Variants in SNED1 observed in about 807,000 individuals in gnomAD.
The protein encoded by SNED1 is sushi, nidogen and EGF-like domain-containing protein 1.
A neutral mutation model predicts 166.7 loss-of-function variants in SNED1; 81 were observed. The observed-to-expected ratio is 0.49, with a 90% CI of 0.41 to 0.58. SNED1 has a LOEUF of 0.58. Ranked by LOEUF, SNED1 falls within the 20% of genes least tolerant of loss-of-function variation. SNED1 has a pLI of 0.00. For missense variants in SNED1, 1,604 were observed against 2,000.2 expected, an observed-to-expected ratio of 0.80 and a Z score of 3.78; for synonymous variants, 762 against 822.0, an observed-to-expected ratio of 0.93 and a Z score of 1.25.
chr2:240,998,177 G>A (rs1392268638), upstream of SNED1, among the ~76,000 whole-genome samples: 2 of 152,272 alleles, frequency 1.3e-5, no homozygotes, highest in African/African-American at 4.8e-5. Context: ...GACCCAGGCA[G>A]GGAGTGGGCT....
At position 241,064,137 on chromosome 2, in the gene SNED1, G is replaced by GGCCC. The variant is rs1559284518; in HGVS notation, c.2599+15_2599+16insCGCC. 8.5e-5 allele frequency: 130 copies of GGCCC among 1,525,948 alleles called. 8 individuals carry two copies. The highest frequency in any genetic ancestry group is 5.9e-4 in the African/African-American group (42 of 71,500). 94.5% of individuals were successfully genotyped at this position (1,525,948 alleles called of 1,614,324 possible). On this transcript the variant is annotated intron_variant, in intron 19 of 31. Coordinates refer to ENST00000310397, the MANE Select transcript of SNED1 (RefSeq NM_001080437.3). The surrounding 1 kb of genome is among the most constrained non-coding windows in gnomAD (Gnocchi z 7.0). ...CCACTGCGAGACAGGTAGGGCGGCA[G>GGCCC]GCCTGCCTGCTCCCCGCCCTCTGCC... is the stretch of plus-strand genomic sequence containing the variant.
At chr2:241,027,249 G>A (rs1457848019) in intron 1 of SNED1, among the ~76,000 whole-genome samples, 2 of 152,006 alleles carry the variant, frequency 1.3e-5, no homozygotes, top group Non-Finnish European at 2.9e-5. Context: ...CCCAGCTAAT[G>A]TTTGTATTTT....
rs760332171 is a variant in SNED1 at position 241,048,425 on chromosome 2, C to T, written c.1384C>T (p.Leu462=). The part of the protein sequence containing the change: ...VCECPEGFMG[L]DCRERVPDDC... ...CGAGTGCCCCGAAGGCTTCATGGGCCTGGACTGCAGGGAGAGTGCGTCTGG... is the reference window on the plus strand; with the variant it reads ...CGAGTGCCCCGAAGGCTTCATGGGCTTGGACTGCAGGGAGAGTGCGTCTGG... The change falls in exon 9 of 32, where the codon CTG becomes TTG. Residue 462 remains leucine, a synonymous_variant. Coordinates refer to ENST00000310397, the MANE Select transcript of SNED1 (RefSeq NM_001080437.3). 1.1e-5 allele frequency: 17 copies of T among 1,607,824 alleles called. No individual in the cohort carries two copies. The Admixed American group carries it at 1.2e-4, about 11-fold the overall frequency.
chr2:241,041,952 CAACA>C (rs1367088786), intron 8 of SNED1, among the ~76,000 whole-genome samples: 1 of 152,140 alleles, frequency 6.6e-6, no homozygotes, highest in Admixed American at 6.5e-5. Context: ...AGCCATTAGA[CAACA>C]GACAGCACAA....
chr2:241,039,951 T>G, intron 6 of SNED1, 124 bp from the exon 7 acceptor site: 1 of 765,536 alleles, frequency 1.3e-6, no homozygotes, highest in East Asian at 2.7e-5. Context: ...GAAACCTGCC[T>G]GCCAGGCCCC....
chr2:241,039,956 G>A, intron 6 of SNED1, 119 bp from the exon 7 acceptor site: 2 of 792,074 alleles, frequency 2.5e-6, no homozygotes, highest in Non-Finnish European at 2.0e-6. Flanking sequence ...CTGCCTGCCA[G>A]GCCCCCCTGC....
intron 27 of SNED1, among the ~76,000 whole-genome samples, chr2:241,078,313 G>A (rs2063140083): frequency 6.6e-6 from 1 of 151,152 alleles, no homozygotes; most frequent in African/African-American, 2.5e-5. Flanking sequence ...AACCCGGGAG[G>A]TGGAGTTTGC....
intron 1 of SNED1, among the ~76,000 whole-genome samples, chr2:241,002,519 G>A (rs536052384): frequency 1.3e-5 from 2 of 152,270 alleles, no homozygotes; most frequent in East Asian, 1.9e-4. Context: ...TGCTGCCTGG[G>A]TGTGACGGAA....
chr2:241,010,948 C>T (rs933179309), intron 1 of SNED1, among the ~76,000 whole-genome samples: 5 of 152,138 alleles, frequency 3.3e-5, no homozygotes, highest in South Asian at 2.1e-4. Context: ...AGGCCCTGGA[C>T]GATGGGATCC....
chr2:241,058,257 T>C (rs980474787), intron 16 of SNED1, among the ~76,000 whole-genome samples: 1 of 152,100 alleles, frequency 6.6e-6, no homozygotes, highest in Non-Finnish European at 1.5e-5. Context: ...TTATAAATAT[T>C]CAAGCATCTA....
At position 241,094,391 on chromosome 2, in the gene SNED1, C is replaced by G. The variant is rs866515718; in HGVS notation, c.*2755C>G. ...ACCGAGCTGCTTTTCTTTTGCAAAA[C>G]AAAAGTCTTTTTCTTTGCAGTCACG... On this transcript the variant is annotated 3_prime_UTR_variant, in exon 32 of 32. Coordinates refer to ENST00000310397, the MANE Select transcript of SNED1 (RefSeq NM_001080437.3). The surrounding 1 kb of genome is among the most constrained non-coding windows in gnomAD (Gnocchi z 4.3). 2 of 471,078 alleles carry G rather than the reference C, an allele frequency of 4.2e-6. No individual in the cohort carries two copies. The highest frequency in any genetic ancestry group is 8.8e-6 in the Non-Finnish European group (2 of 227,068). 29.2% of individuals were successfully genotyped at this position (471,078 alleles called of 1,614,324 possible).
chr2:241,070,144 C>G lies in SNED1; in HGVS notation c.3532C>G (p.Gln1178Glu). 4 of 1,611,076 alleles carry G rather than the reference C, an allele frequency of 2.5e-6. No individual in the cohort carries two copies. The highest frequency in any genetic ancestry group is 3.4e-6 in the Non-Finnish European group (4 of 1,179,498). ...RRYQLSVIAV[Q>E]STELGPQHSE... ...GTACCAGCTCTCTGTGATAGCAGTG[C>G]AGAGCACGGAGCTCGGGCCGCAGCA... The change falls in exon 24 of 32, where the codon CAG (glutamine) becomes GAG (glutamate). Residue 1178 changes from glutamine (Q) to glutamate (E), a missense_variant. Physicochemically the swap from Gln to Glu is conservative, Grantham distance 29 (BLOSUM62 2). Around this residue, in one of 2 missense-constraint regions of SNED1, gnomAD observed 367 missense variants for 379.4 expected, o/e 0.97. Coordinates refer to ENST00000310397, the MANE Select transcript of SNED1 (RefSeq NM_001080437.3).
chr2:241,072,278 C>G (rs2062769421), intron 26 of SNED1: 1 of 464,496 alleles, frequency 2.2e-6, no homozygotes, highest in Non-Finnish European at 4.3e-6. Context: ...TGTGGTCCGG[C>G]AAATCCTCCG....
Position 241,068,063 on chromosome 2 carries a change from C to CAGGTGAGGAGCGG in SNED1, c.3194+116_3194+117insAGGTGAGGAGCGG. 1.0e-6 allele frequency: 1 copy of CAGGTGAGGAGCGG among 986,892 alleles called. No individual in the cohort carries two copies. The highest frequency in any genetic ancestry group is 1.5e-6 in the Non-Finnish European group (1 of 673,434). The allele number at this position is 986,892 out of a possible 1,614,324, so 61.1% of individuals were successfully genotyped here. A position where few individuals can be genotyped will look rare whatever the true frequency, so the allele number is the denominator to read the frequency against. On this transcript the variant is annotated intron_variant, in intron 22 of 31. Transcript: ENST00000310397. This position sits in a 1 kb window ranked among gnomAD's most constrained non-coding sequence, Gnocchi z 5.3. ...TGTGTGGACTGTACCACCTGCCGCT[C>CAGGTGAGGAGCGG]CTCACCTGAGCGGAGACAAAGGTCT...
intron 27 of SNED1, among the ~76,000 whole-genome samples, chr2:241,079,113 C>CA (rs1274280801): frequency 0.39 from 27,867 of 72,258 alleles, 4,521 homozygotes; most frequent in East Asian, 0.5. Context: ...GACTCCATCT[C>CA]AAAAAAAAAA....
At chr2:241,008,651 C>T (rs1045498888) in intron 1 of SNED1, among the ~76,000 whole-genome samples, 1 of 152,262 alleles carries the variant, frequency 6.6e-6, no homozygotes, top group Non-Finnish European at 1.5e-5. Flanking sequence ...TTCTCTTGTT[C>T]TTTGCAAAGC....
intron 27 of SNED1, among the ~76,000 whole-genome samples, chr2:241,079,046 G>A (rs1327299696): frequency 2.7e-5 from 4 of 150,914 alleles, no homozygotes; most frequent in South Asian, 2.1e-4. Context: ...CCCAGGAGGC[G>A]GAGGCTGCAG....
intron 2 of SNED1, 92 bp from the exon 3 acceptor site, chr2:241,033,643 G>A: frequency 1.4e-6 from 2 of 1,402,326 alleles, no homozygotes; most frequent in Non-Finnish European, 1.9e-6. Flanking sequence ...GGGCCCAGTG[G>A]ACAATGACAG....
At chr2:241,014,083 A>T (rs1181010801) in intron 1 of SNED1, among the ~76,000 whole-genome samples, 1 of 151,202 alleles carries the variant, frequency 6.6e-6, no homozygotes, top group African/African-American at 2.4e-5. Flanking sequence ...ATCTCAGTTC[A>T]CTGCAACCTC....
Sources: allele counts gnomAD v4.1 joint callset (sites outside exome capture counted in the v4.1 genomes callset), GRCh38; gene constraint gnomAD v4.1.1; regional missense constraint gnomAD v4.1.1; non-coding constraint Gnocchi (gnomAD v3.1); transcripts MANE v1.5; gene names NCBI Gene and HGNC (gene_info 2026-07-23, HGNC 2026-07-21).